ASIC2: variants seen among roughly 807,000 people sequenced by gnomAD.
The protein encoded by ASIC2 is acid sensing ion channel subunit 2, also known as acid-sensing ion channel 2.
A neutral mutation model predicts 57.3 loss-of-function variants in ASIC2; 25 were observed. The observed-to-expected ratio is 0.44, with a 90% CI of 0.32 to 0.61. The LOEUF (loss-of-function observed/expected upper bound fraction) is 0.61. Among genes scored for constraint, ASIC2 ranks in the 20% least tolerant of loss-of-function variants. The pLI, the probability that ASIC2 is intolerant of heterozygous loss-of-function variation, is 0.06. For missense variants in ASIC2, 641 were observed against 738.1 expected (o/e 0.87, Z 1.52); for synonymous variants, 319 against 307.5 (o/e 1.04, Z -0.39).
intron 1 of ASIC2, among the ~76,000 whole-genome samples, chr17:33,683,170 C>A (rs1468539908): frequency 2.0e-5 from 3 of 152,114 alleles, no homozygotes; most frequent in Non-Finnish European, 4.4e-5. Context: ...CGGGTTCATG[C>A]CATTCTCTTG....
chr17:33,749,837 T>C (rs1388734068), intron 1 of ASIC2, among the ~76,000 whole-genome samples: 2 of 152,152 alleles, frequency 1.3e-5, no homozygotes, highest in African/African-American at 2.4e-5. Context: ...AAGAGGGTTA[T>C]TGGCAGGTAC....
In ASIC2 at chr17:33,321,234, G is replaced by A. The variant is rs148199133; in HGVS notation, c.556-209167C>T. On this transcript the variant is annotated intron_variant, in intron 1 of 9. Coordinates refer to the ASIC2 transcript ENST00000359872. ...TAAATACGTGTGCCATTATTTCCTC[G>A]AGCCTAAGTGTAATATTTTACATTT... 4.3e-4 allele frequency among the ~76,000 whole-genome samples: 66 copies of A among 152,206 alleles called. 1 individual carries two copies. In the East Asian group the frequency reaches 0.011, roughly 24 times the overall value.
At chr17:33,516,637 G>T (rs1319115943) in intron 1 of ASIC2, among the ~76,000 whole-genome samples, 1 of 152,220 alleles carries the variant, frequency 6.6e-6, no homozygotes, top group Non-Finnish European at 1.5e-5. Flanking sequence ...TGCAACTGGT[G>T]TTGGGTACAA....
chr17:33,164,916 T>G (rs886477441), intron 1 of ASIC2, among the ~76,000 whole-genome samples: 1 of 152,100 alleles, frequency 6.6e-6, no homozygotes, highest in African/African-American at 2.4e-5. Context: ...TGGGCCCCAC[T>G]CTCTCTCTTT....
intron 1 of ASIC2, among the ~76,000 whole-genome samples, chr17:33,116,628 C>G (rs1374958070): frequency 6.6e-6 from 1 of 152,064 alleles, no homozygotes; most frequent in Non-Finnish European, 1.5e-5. Flanking sequence ...ACCTGGATCT[C>G]CAGGAATGGT....
At chr17:33,315,508 T>C (rs1168005622) in intron 1 of ASIC2, among the ~76,000 whole-genome samples, 1 of 152,220 alleles carries the variant, frequency 6.6e-6, no homozygotes, top group Admixed American at 6.5e-5. Flanking sequence ...GATGGGAAAG[T>C]ACATATCGTG....
chr17:33,995,403 C>T (rs991375601), intron 1 of ASIC2, among the ~76,000 whole-genome samples: 1 of 152,032 alleles, frequency 6.6e-6, no homozygotes, highest in African/African-American at 2.4e-5. Flanking sequence ...ACCTCTTCTA[C>T]CTCATCTCCT....
chr17:33,296,939 CAG>C (rs1905743209), upstream of ASIC2, among the ~76,000 whole-genome samples: 1 of 152,326 alleles, frequency 6.6e-6, no homozygotes, highest in South Asian at 2.1e-4. Context: ...CCTTCAGTGA[CAG>C]TGTAATCAAT....
At chr17:34,099,941 G>A (rs1910799482) in intron 1 of ASIC2, among the ~76,000 whole-genome samples, 2 of 152,128 alleles carry the variant, frequency 1.3e-5, no homozygotes, top group Non-Finnish European at 2.9e-5. Flanking sequence ...CTAGTGAGAG[G>A]TCTGGATTTT....
intron 3 of ASIC2, among the ~76,000 whole-genome samples, chr17:33,055,150 C>T (rs1335131617): frequency 6.6e-6 from 1 of 152,204 alleles, no homozygotes; most frequent in East Asian, 1.9e-4. Flanking sequence ...TTTACAAGCT[C>T]AAAACAGTGA....
intron 1 of ASIC2, among the ~76,000 whole-genome samples, chr17:33,875,135 G>T (rs1914516875): frequency 6.6e-6 from 1 of 152,222 alleles, no homozygotes; most frequent in South Asian, 2.1e-4. Flanking sequence ...GCTGTGGGGA[G>T]TTGATGATTT....
chr17:33,490,965 C>A lies in ASIC2; in HGVS notation c.556-378898G>T, dbSNP rs114847932. Among the ~76,000 whole-genome samples the A allele has an allele frequency of 5.5e-3, 833 of 152,208 alleles. 6 individuals are homozygous for A. The highest frequency in any genetic ancestry group is 0.02 in the African/African-American group (815 of 41,516). On this transcript the variant is annotated intron_variant, in intron 1 of 9. Coordinates refer to the ASIC2 transcript ENST00000359872. ...GATACCTCCACCTGAATTCAGAATA[C>A]CTTTGTTGAATTTCTGTTCTAGGGG...
At position 34,068,211 on chromosome 17, in the gene ASIC2, A is replaced by G. The variant is rs1909244142; in HGVS notation, c.555+87767T>C. Among the ~76,000 whole-genome samples, 6 of 152,298 alleles carry G rather than the reference A, an allele frequency of 3.9e-5. No homozygotes were observed. The South Asian group carries it at 1.2e-3, about 32-fold the overall frequency. On this transcript the variant is annotated intron_variant, in intron 1 of 9. Transcript: ENST00000359872. ...CTTCGACACTAAGGTCTTTATGGGC[A>G]GGCACCATTAATGTATGATGGAAGG...
chr17:33,170,989 T>C (rs1203017307), intron 1 of ASIC2, among the ~76,000 whole-genome samples: 5 of 152,190 alleles, frequency 3.3e-5, no homozygotes, highest in Non-Finnish European at 5.9e-5. Context: ...AGATGTGTGA[T>C]GTTGTGGGCC....
rs142804411 is a variant in ASIC2, at chr17:33,500,128, G to A, written c.556-388061C>T. ...AAAAAAAATAAAATAGGAAGGAAAA[G>A]CTATAATAATCACAGCAGCTGCAGA... On this transcript the variant is annotated intron_variant, in intron 1 of 9. Coordinates refer to the ASIC2 transcript ENST00000359872. 6.7e-3 allele frequency among the ~76,000 whole-genome samples: 1,020 copies of A among 152,154 alleles called. 9 individuals carry two copies. The highest frequency in any genetic ancestry group is 9.6e-3 in the Non-Finnish European group (656 of 68,010).
intron 1 of ASIC2, among the ~76,000 whole-genome samples, chr17:33,448,088 A>AAAATT (rs1304744423): frequency 6.7e-6 from 1 of 149,282 alleles, no homozygotes; most frequent in Non-Finnish European, 1.5e-5. Flanking sequence ...AAAATAAAAT[A>AAAATT]AAATAAAATA....
rs563010243 is a variant in ASIC2, at chr17:33,394,192, G to A, written c.556-282125C>T. ...AGGGCTATAAGTAAAAATGGAAAGA[G>A]ATGTTTCACTAATCATCCCTGGGGG... On this transcript the variant is annotated intron_variant, in intron 1 of 9. Transcript: ENST00000359872. Among the ~76,000 whole-genome samples the A allele has an allele frequency of 2.6e-5, 4 of 152,362 alleles. 1 individual carries two copies. The South Asian group carries it at 6.2e-4, about 24-fold the overall frequency.
At chr17:33,754,865 G>A (rs1910545841) in intron 1 of ASIC2, among the ~76,000 whole-genome samples, 1 of 149,832 alleles carries the variant, frequency 6.7e-6, no homozygotes, top group South Asian at 2.1e-4. Context: ...GGCTGAGGCA[G>A]GAGAATGGTG....
intron 1 of ASIC2, among the ~76,000 whole-genome samples, chr17:33,852,701 C>T (rs1001516497): frequency 1.6e-4 from 24 of 152,128 alleles, no homozygotes; most frequent in African/African-American, 2.2e-4. Flanking sequence ...TTGATAAGGA[C>T]ACTGTTTCTC....
Sources: allele counts gnomAD v4.1 joint callset (sites outside exome capture counted in the v4.1 genomes callset), GRCh38; gene constraint gnomAD v4.1.1; transcripts MANE v1.5; gene names NCBI Gene and HGNC (gene_info 2026-07-23, HGNC 2026-07-21).